The following ACYP2 variants were observed in gnomAD, a reference collection of about 807,000 sequenced individuals.
ACYP2 encodes the protein acylphosphatase-2.
A neutral mutation model predicts 11.2 loss-of-function variants in ACYP2; 12 were observed. The ratio of observed to expected loss-of-function variants is 1.08; its 90% CI spans 0.69 to 1.74. The LOEUF (loss-of-function observed/expected upper bound fraction) is 1.74, where lower values mean the gene tolerates loss of function less well. Among genes scored for constraint, ACYP2 ranks in the 40% most tolerant of loss-of-function variants. ACYP2 has a pLI of 0.00. For synonymous variants in ACYP2, 43 were observed against 32.2 expected (o/e 1.33, Z -1.13); for missense variants, 134 against 101.9 (o/e 1.31, Z -1.35).
intron 5 of ACYP2, among the ~76,000 whole-genome samples, chr2:54,136,757 C>T (rs537668434): frequency 3.3e-5 from 5 of 152,232 alleles, no homozygotes; most frequent in Non-Finnish European, 7.4e-5. Context: ...AGGTGGATCA[C>T]CTGAGGTCAG....
At chr2:54,113,081 C>T (rs926252791) in intron 4 of ACYP2, among the ~76,000 whole-genome samples, 1 of 152,248 alleles carries the variant, frequency 6.6e-6, no homozygotes, top group Admixed American at 6.5e-5. Flanking sequence ...CTGGAATGTT[C>T]AAGTTCCTAA....
At chr2:54,245,500 G>A (rs1686907586) in intron 6 of ACYP2, among the ~76,000 whole-genome samples, 1 of 146,906 alleles carries the variant, frequency 6.8e-6, no homozygotes, top group African/African-American at 2.7e-5. Flanking sequence ...CCAACAGTGT[G>A]TAAGTGTTTC....
intron 6 of ACYP2, among the ~76,000 whole-genome samples, chr2:54,232,425 G>A (rs1360640757): frequency 6.6e-6 from 1 of 152,094 alleles, no homozygotes; most frequent in Non-Finnish European, 1.5e-5. Flanking sequence ...GCTCTTCCCT[G>A]AGTCAATCAA....
intron 5 of ACYP2, among the ~76,000 whole-genome samples, chr2:54,137,036 T>G (rs1681286880): frequency 6.6e-6 from 1 of 152,134 alleles, no homozygotes; most frequent in African/African-American, 2.4e-5. Context: ...ATGATGTAGT[T>G]AAAATAATTC....
intron 3 of ACYP2, chr2:54,057,132 A>G (rs2103625070): frequency 2.5e-6 from 1 of 392,576 alleles, no homozygotes; most frequent in African/African-American, 2.1e-5. Flanking sequence ...TGAACCATAA[A>G]TTAGATTGTC....
chr2:54,144,614 C>T (rs1056791901), intron 6 of ACYP2, among the ~76,000 whole-genome samples: 13 of 148,898 alleles, frequency 8.7e-5, no homozygotes, highest in African/African-American at 3.2e-4. Context: ...CCAGAGGTTG[C>T]AGTGAGCCAA....
intron 6 of ACYP2, among the ~76,000 whole-genome samples, chr2:54,227,412 G>GA (rs1686054222): frequency 6.6e-6 from 1 of 152,016 alleles, no homozygotes; most frequent in African/African-American, 2.4e-5. Context: ...AGGTCAATGT[G>GA]GGCAGATCAC....
intron 2 of ACYP2, among the ~76,000 whole-genome samples, chr2:53,996,108 C>T (rs571058394): frequency 7.9e-5 from 12 of 151,304 alleles, no homozygotes; most frequent in East Asian, 3.9e-4. Flanking sequence ...CACTCCAGCC[C>T]GGGCAACAAG....
At chr2:54,112,500 T>C (rs1355118558) in intron 4 of ACYP2, among the ~76,000 whole-genome samples, 1 of 152,222 alleles carries the variant, frequency 6.6e-6, no homozygotes, top group African/African-American at 2.4e-5. Flanking sequence ...ATATTCCAAC[T>C]TCAATTAAAA....
intron 6 of ACYP2, among the ~76,000 whole-genome samples, chr2:54,208,146 T>G (rs868663978): frequency 2.0e-5 from 3 of 152,142 alleles, no homozygotes; most frequent in Middle Eastern, 3.2e-3. Context: ...TCTAATTTTT[T>G]TGTATGTGTG....
intron 6 of ACYP2, among the ~76,000 whole-genome samples, chr2:54,186,079 A>G (rs1231298084): frequency 6.6e-6 from 1 of 152,178 alleles, no homozygotes; most frequent in African/African-American, 2.4e-5. Context: ...GAAATGTTTA[A>G]TATCCCTAGT....
intron 1 of ACYP2, among the ~76,000 whole-genome samples, chr2:53,972,785 A>G (rs1383188390): frequency 2.0e-5 from 3 of 152,368 alleles, no homozygotes; most frequent in Admixed American, 6.5e-5. Flanking sequence ...AAAATTAAAA[A>G]GGAAAGAGAC....
chr2:54,221,065 G>GT (rs1434304022), intron 6 of ACYP2, among the ~76,000 whole-genome samples: 3 of 152,158 alleles, frequency 2.0e-5, no homozygotes, highest in African/African-American at 7.2e-5. Context: ...TTTGGCTTCA[G>GT]TTTTTTTCAC....
intron 4 of ACYP2, among the ~76,000 whole-genome samples, chr2:54,089,283 G>A (rs1184221902): frequency 1.3e-5 from 2 of 151,952 alleles, no homozygotes; most frequent in Non-Finnish European, 2.9e-5. Flanking sequence ...TGCTAACTAA[G>A]TATTTATTTT....
intron 6 of ACYP2, among the ~76,000 whole-genome samples, chr2:54,220,729 C>T (rs996114623): frequency 1.3e-5 from 2 of 152,170 alleles, no homozygotes; most frequent in African/African-American, 4.8e-5. Flanking sequence ...TGAGTTACCT[C>T]ATTTAGTATT....
chr2:53,975,658 C>T (rs1377550425), intron 2 of ACYP2, among the ~76,000 whole-genome samples: 1 of 152,082 alleles, frequency 6.6e-6, no homozygotes, highest in African/African-American at 2.4e-5. Context: ...CACTGAAACC[C>T]CGTCTCTACT....
In ACYP2 at chr2:54,034,781, C is replaced by G. The variant is rs575777981; in HGVS notation, c.63-16177C>G. On this transcript the variant is annotated intron_variant, in intron 2 of 6. Transcript: ENST00000607452. The stretch of plus-strand genomic sequence containing the variant: ...ATCCCAGCACTTTGGGAGGCCGAGG[C>G]GGGTGGATCACGAGGTCAGGCATTC... Among the ~76,000 whole-genome samples, 51 of 152,014 alleles carry G rather than the reference C, an allele frequency of 3.4e-4. 2 individuals are homozygous for G. Among genetic ancestry groups the G allele is most frequent in the African/African-American group, 1.2e-3 (50 of 41,470 alleles).
rs151093608 is a variant in ACYP2, at chr2:54,254,644, T to C, written c.405-50044T>C. The C allele has an allele frequency of 1.1e-3, 449 of 407,008 alleles. 2 individuals are homozygous for C. Among genetic ancestry groups the C allele is most frequent in the African/African-American group, 8.4e-3 (419 of 50,046 alleles). The allele number at this position is 407,008 out of a possible 1,614,324, so 25.2% of individuals were successfully genotyped here. ...AGTCCAAACAAAGGTAAATACAGTG[T>C]AACCTACAGCATCATTCGCTTCGCT... On this transcript the variant is annotated intron_variant, in intron 6 of 6. Transcript: ENST00000607452.
intron 6 of ACYP2, among the ~76,000 whole-genome samples, chr2:54,241,587 G>C (rs138489057): frequency 3.3e-5 from 5 of 152,014 alleles, no homozygotes; most frequent in Non-Finnish European, 7.4e-5. Context: ...GTAGAGATTC[G>C]TCTATGCCAG....
Sources: allele counts gnomAD v4.1 joint callset (sites outside exome capture counted in the v4.1 genomes callset), GRCh38; gene constraint gnomAD v4.1.1; transcripts MANE v1.5; gene names NCBI Gene and HGNC (gene_info 2026-07-23, HGNC 2026-07-21).